RNASEK: variants seen among roughly 807,000 people sequenced by gnomAD.
The protein encoded by RNASEK is ribonuclease K.
RNASEK carries 7 observed loss-of-function variants against 11.2 expected under a neutral mutation model. That is an observed-to-expected ratio of 0.62 (90% CI 0.35 to 1.17). RNASEK has a LOEUF of 1.17. RNASEK is among the 50% of genes most tolerant of loss of function. RNASEK has a pLI of 0.02. For synonymous variants in RNASEK, 46 were observed against 49.5 expected, an observed-to-expected ratio of 0.93 and a Z score of 0.30; for missense variants, 101 against 126.7, an observed-to-expected ratio of 0.80 and a Z score of 0.97.
At position 7,014,163 on chromosome 17, in the gene RNASEK, A is replaced by G; in HGVS notation, c.174A>G (p.Ile58Met). ...CCCCCAGGAATGGCCCCCAGAACAT[A>G]TACAACCTTTACGAGCAAGTCAGCT... ...EKDFENGPQNIYNLYEQVSYN... is the reference protein window; with the variant it reads ...EKDFENGPQNMYNLYEQVSYN... The change falls in exon 3 of 3, where the codon ATA (isoleucine) becomes ATG (methionine). Residue 58 changes from isoleucine (I) to methionine (M), a missense_variant. Transcript: ENST00000593646. This position sits in a 1 kb window ranked among gnomAD's most constrained non-coding sequence, Gnocchi z 4.5. The G allele has an allele frequency of 1.3e-6, 2 of 1,562,268 alleles. No individual in the cohort carries two copies. The highest frequency in any genetic ancestry group is 1.2e-5 in the South Asian group (1 of 85,090).
Position 7,014,287 on chromosome 17 carries a change from GGCCCCGGCGCGTTTCCCC to G in RNASEK, c.*4_*21del. On this transcript the variant is annotated 3_prime_UTR_variant, in exon 3 of 3. Transcript: ENST00000593646. The surrounding 1 kb of genome is among the most constrained non-coding windows in gnomAD (Gnocchi z 4.5). ...GCGCAAGGAATACATGGTGCGCTAG[GGCCCCGGCGCGTTTCCCC>G]GCTCCAGCCCCTCCTCTATTTAAAG... 6.2e-7 allele frequency: 1 copy of G among 1,613,720 alleles called. No individual in the cohort carries two copies. Among genetic ancestry groups the G allele is most frequent in the Non-Finnish European group, 8.5e-7 (1 of 1,179,816 alleles).
At position 7,012,675 on chromosome 17, in the gene RNASEK, C is replaced by T. The variant is rs1350583754; in HGVS notation, c.-9C>T. ...GCTTGCACCTCGGCGATCCCCGACTCCCTTCTTTATGGCGTCGCTCCTGTG... is the reference window on the plus strand; with the variant it reads ...GCTTGCACCTCGGCGATCCCCGACTTCCTTCTTTATGGCGTCGCTCCTGTG... On this transcript the variant is annotated 5_prime_UTR_variant, in exon 1 of 3. Coordinates refer to ENST00000593646, the MANE Select transcript of RNASEK (RefSeq NM_001004333.5). The T allele has an allele frequency of 3.1e-6, 5 of 1,612,688 alleles. No homozygotes were observed. In the African/African-American group the frequency reaches 6.7e-5, roughly 22 times the overall value.
chr17:7,013,720 C>T lies in RNASEK; in HGVS notation c.133C>T (p.Pro45Ser), dbSNP rs1249682899. 1 of 1,613,322 alleles carries T rather than the reference C, an allele frequency of 6.2e-7. No individual in the cohort carries two copies. The highest frequency in any genetic ancestry group is 8.5e-7 in the Non-Finnish European group (1 of 1,179,342). The change falls in exon 2 of 3, where the codon CCC (proline) becomes TCC (serine). Residue 45 changes from proline (P) to serine (S), a missense_variant. Coordinates refer to ENST00000593646, the MANE Select transcript of RNASEK (RefSeq NM_001004333.5). The part of the protein sequence containing the change: ...VHSAVLIEDV[P>S]FTEKDFENGP... ...TTCCGCTGTGTTGATTGAGGACGTTCCCTTCACGGAGAAAGATTTTGAGTA... is the reference window on the plus strand; with the variant it reads ...TTCCGCTGTGTTGATTGAGGACGTTTCCTTCACGGAGAAAGATTTTGAGTA...
Position 7,014,465 on chromosome 17 carries a change from G to A in RNASEK, c.*179G>A. The A allele has an allele frequency of 3.0e-6, 2 of 659,016 alleles. No individual in the cohort carries two copies. Among genetic ancestry groups the A allele is most frequent in the Non-Finnish European group, 5.2e-6 (2 of 387,708 alleles). The allele number at this position is 659,016 out of a possible 1,614,324, so 40.8% of individuals were successfully genotyped here. On this transcript the variant is annotated 3_prime_UTR_variant, in exon 3 of 3. Coordinates refer to ENST00000593646, the MANE Select transcript of RNASEK (RefSeq NM_001004333.5). The surrounding 1 kb of genome is among the most constrained non-coding windows in gnomAD (Gnocchi z 4.5). The stretch of plus-strand genomic sequence containing the variant: ...GCCCCCGTGGAGAGGGCTGAGGCTG[G>A]GGGGCTGTTCCGTTTCTCCACCCTT...
chr17:7,014,087 C>G lies in RNASEK; in HGVS notation c.156-58C>G. On this transcript the variant is annotated intron_variant, in intron 2 of 2. Transcript: ENST00000593646. This position sits in a 1 kb window ranked among gnomAD's most constrained non-coding sequence, Gnocchi z 4.5. The stretch of plus-strand genomic sequence containing the variant: ...CTAAACAGGTGTCGGGCACATAGTG[C>G]TCAGAAAATGTTGGCTCCTATTAAA... 2.0e-6 allele frequency: 3 copies of G among 1,510,816 alleles called. No homozygotes were observed. Among genetic ancestry groups the G allele is most frequent in the Non-Finnish European group, 1.8e-6 (2 of 1,110,344 alleles). 93.6% of individuals were successfully genotyped at this position (1,510,816 alleles called of 1,614,324 possible). A position where few individuals can be genotyped will look rare whatever the true frequency, so the allele number is the denominator to read the frequency against.
At chr17:7,013,891 A>AGC in intron 2 of RNASEK, 149 bp downstream of exon 2, 1 of 763,158 alleles carries the variant, frequency 1.3e-6, no homozygotes, top group Non-Finnish European at 2.2e-6. Context: ...TGTGGTTAGG[A>AGC]GCCAGGGAGT....
chr17:7,013,311 T>C, intron 1 of RNASEK: 1 of 1,508,454 alleles, frequency 6.6e-7, no homozygotes, highest in South Asian at 1.2e-5. Flanking sequence ...TGGGCCTTGT[T>C]TTCCCAGTAA....
At position 7,012,630 on chromosome 17, in the gene RNASEK, T is replaced by G; in HGVS notation, c.-54T>G. On this transcript the variant is annotated 5_prime_UTR_variant, in exon 1 of 3. Transcript: ENST00000593646. ...CCCTGCGAGGGCATCCTGGGCTTTC[T>G]CCCACCGCTTTCCGAGCCCGCTTGC... 6.2e-7 allele frequency: 1 copy of G among 1,604,036 alleles called. No individual in the cohort carries two copies. Among genetic ancestry groups the G allele is most frequent in the African/African-American group, 1.3e-5 (1 of 74,924 alleles).
chr17:7,012,652 T>C lies in RNASEK; in HGVS notation c.-32T>C. The C allele has an allele frequency of 6.2e-7, 1 of 1,610,924 alleles. No individual in the cohort carries two copies. ...TTCTCCCACCGCTTTCCGAGCCCGC[T>C]TGCACCTCGGCGATCCCCGACTCCC... On this transcript the variant is annotated 5_prime_UTR_variant, in exon 1 of 3. Coordinates refer to ENST00000593646, the MANE Select transcript of RNASEK (RefSeq NM_001004333.5).
chr17:7,013,824 C>G (rs966538843), intron 2 of RNASEK, 82 bp downstream of exon 2: 3 of 1,128,800 alleles, frequency 2.7e-6, no homozygotes, highest in African/African-American at 3.1e-5. Context: ...CTGGGAGGCC[C>G]GGTGCTTAGG....
chr17:7,013,945 C>T (rs1909621384), intron 2 of RNASEK, 200 bp from the exon 3 acceptor site: 1 of 686,894 alleles, frequency 1.5e-6, no homozygotes, highest in Admixed American at 2.7e-5. Flanking sequence ...TAGGTGTGAC[C>T]TCTTTAGGTA....
intron 1 of RNASEK, 83 bp from the exon 2 acceptor site, chr17:7,013,583 A>T: frequency 6.2e-7 from 1 of 1,603,504 alleles, no homozygotes; most frequent in Non-Finnish European, 8.5e-7. Flanking sequence ...GTGTTGTAGC[A>T]ACATTGGAAA....
At position 7,012,650 on chromosome 17, in the gene RNASEK, G is replaced by T; in HGVS notation, c.-34G>T. ...CTTTCTCCCACCGCTTTCCGAGCCC[G>T]CTTGCACCTCGGCGATCCCCGACTC... On this transcript the variant is annotated 5_prime_UTR_variant, in exon 1 of 3. Transcript: ENST00000593646. The T allele has an allele frequency of 6.2e-7, 1 of 1,610,384 alleles. No homozygotes were observed. Among genetic ancestry groups the T allele is most frequent in the Non-Finnish European group, 8.5e-7 (1 of 1,179,600 alleles).
chr17:7,014,375 C>A lies in RNASEK; in HGVS notation c.*89C>A, dbSNP rs1194887723. The A allele has an allele frequency of 1.4e-6, 2 of 1,415,698 alleles. No individual in the cohort carries two copies. The highest frequency in any genetic ancestry group is 9.8e-7 in the Non-Finnish European group (1 of 1,024,132). The allele number at this position is 1,415,698 out of a possible 1,614,324, so 87.7% of individuals were successfully genotyped here. A position where few individuals can be genotyped will look rare whatever the true frequency, so the allele number is the denominator to read the frequency against. On this transcript the variant is annotated 3_prime_UTR_variant, in exon 3 of 3. Coordinates refer to ENST00000593646, the MANE Select transcript of RNASEK (RefSeq NM_001004333.5). The surrounding 1 kb of genome is among the most constrained non-coding windows in gnomAD (Gnocchi z 4.5). ...CCAGGTCGCGTCCCACCCTTGCCGG[C>A]GCCCTCTGCGGGACTGGGTTTCCCG...
In RNASEK at chr17:7,012,630, T is replaced by A. The variant is rs755578793; in HGVS notation, c.-54T>A. On this transcript the variant is annotated 5_prime_UTR_variant, in exon 1 of 3. Transcript: ENST00000593646. ...CCCTGCGAGGGCATCCTGGGCTTTC[T>A]CCCACCGCTTTCCGAGCCCGCTTGC... The A allele has an allele frequency of 6.9e-6, 11 of 1,604,036 alleles. No homozygotes were observed. In the South Asian group the frequency reaches 1.2e-4, roughly 18 times the overall value.
At position 7,014,321 on chromosome 17, in the gene RNASEK, CTATT is replaced by C. The variant is rs1567723681; in HGVS notation, c.*38_*41del. ...GCGTTTCCCCGCTCCAGCCCCTCCT[CTATT>C]TAAAGACTCCCTGCACCGTGTCACC... On this transcript the variant is annotated 3_prime_UTR_variant, in exon 3 of 3. Transcript: ENST00000593646. The surrounding 1 kb of genome is among the most constrained non-coding windows in gnomAD (Gnocchi z 4.5). 1.2e-6 allele frequency: 2 copies of C among 1,611,460 alleles called. No individual in the cohort carries two copies. Among genetic ancestry groups the C allele is most frequent in the Non-Finnish European group, 1.7e-6 (2 of 1,178,820 alleles).
chr17:7,013,283 G>T, intron 1 of RNASEK: 1 of 1,427,678 alleles, frequency 7.0e-7, no homozygotes, highest in East Asian at 2.5e-5. Context: ...GAGAGTGCTT[G>T]TTCCAGAAAT....
At position 7,012,888 on chromosome 17, in the gene RNASEK, G is replaced by A. The variant is rs1275188262; in HGVS notation, c.78+127G>A. ...CCGGGGATCTACAGGCCCCGGAGAA[G>A]GAGACAGACTGAAATTGAAAAATGG... On this transcript the variant is annotated intron_variant, in intron 1 of 2. Coordinates refer to ENST00000593646, the MANE Select transcript of RNASEK (RefSeq NM_001004333.5). The A allele has an allele frequency of 5.2e-6, 4 of 764,134 alleles. No individual in the cohort carries two copies. The East Asian group carries it at 8.0e-5, about 15-fold the overall frequency. 47.3% of individuals were successfully genotyped at this position (764,134 alleles called of 1,614,324 possible).
chr17:7,014,074 C>T lies in RNASEK; in HGVS notation c.156-71C>T. 2 of 1,407,648 alleles carry T rather than the reference C, an allele frequency of 1.4e-6. No homozygotes were observed. Among genetic ancestry groups the T allele is most frequent in the Non-Finnish European group, 2.0e-6 (2 of 1,017,830 alleles). The allele number at this position is 1,407,648 out of a possible 1,614,324, so 87.2% of individuals were successfully genotyped here. A position where few individuals can be genotyped will look rare whatever the true frequency, so the allele number is the denominator to read the frequency against. ...CACGTAACAGCGCCTAAACAGGTGT[C>T]GGGCACATAGTGCTCAGAAAATGTT... is the stretch of plus-strand genomic sequence containing the variant. On this transcript the variant is annotated intron_variant, in intron 2 of 2. Transcript: ENST00000593646. This position sits in a 1 kb window ranked among gnomAD's most constrained non-coding sequence, Gnocchi z 4.5.
Sources: gnomAD v4.1 joint callset for allele counts on GRCh38, gnomAD v4.1.1 for gene constraint, Gnocchi (gnomAD v3.1) non-coding constraint, MANE v1.5 for transcripts, NCBI Gene and HGNC (gene_info 2026-07-23, HGNC 2026-07-21) for gene names.